The following SPECC1L variants were observed in gnomAD, a reference collection of about 807,000 sequenced individuals.
SPECC1L encodes the protein sperm antigen with calponin homology and coiled-coil domains 1 like.
SPECC1L carries 40 observed loss-of-function variants against 116.8 expected under a neutral mutation model. That is an observed-to-expected ratio of 0.34 (90% CI 0.27 to 0.45). SPECC1L has a LOEUF of 0.45. Among genes scored for constraint, SPECC1L ranks in the 20% least tolerant of loss-of-function variants. SPECC1L has a pLI of 1.00. For synonymous variants in SPECC1L, 504 were observed against 500.6 expected (o/e 1.01, Z -0.09); for missense variants, 1,110 against 1,373.6 (o/e 0.81, Z 3.03).
intron 2 of SPECC1L, among the ~76,000 whole-genome samples, chr22:24,287,426 T>C (rs548296619): frequency 9.8e-4 from 148 of 151,780 alleles, no homozygotes; most frequent in Non-Finnish European, 1.2e-3. Flanking sequence ...GCTGCCAGAG[T>C]TGTCCAGCTG....
chr22:24,399,274 T>TA (rs1164813582), intron 14 of SPECC1L, among the ~76,000 whole-genome samples: 13 of 152,264 alleles, frequency 8.5e-5, no homozygotes, highest in South Asian at 6.2e-4. Context: ...TTCATTTGAC[T>TA]AAAAAAAGTT....
At chr22:24,325,329 G>T (rs895404652) in intron 6 of SPECC1L, among the ~76,000 whole-genome samples, 2 of 152,116 alleles carry the variant, frequency 1.3e-5, no homozygotes, top group African/African-American at 4.8e-5. Context: ...CGTGCTAGAT[G>T]GCAGTTTTGC....
chr22:24,324,321 A>G lies in SPECC1L; in HGVS notation c.2040A>G (p.Glu680=). Residue 680 remains glutamate, a synonymous_variant, in exon 6 of 17, where the codon GAA becomes GAG. Transcript: ENST00000314328. The part of the protein sequence containing the change: ...EKLRSDLDEK[E]TERSDMKETI... ...TAAGATCAGACCTGGATGAAAAAGA[A>G]ACAGAAAGGAGTGACATGAAAGAAA... 2.5e-6 allele frequency: 4 copies of G among 1,614,142 alleles called. No homozygotes were observed. In the East Asian group the frequency reaches 8.9e-5, roughly 36 times the overall value.
chr22:24,275,077 C>T (rs1205395379), intron 1 of SPECC1L, among the ~76,000 whole-genome samples: 1 of 152,272 alleles, frequency 6.6e-6, no homozygotes, highest in Non-Finnish European at 1.5e-5. Flanking sequence ...TCAGGCATCA[C>T]CTTGCCTGGA....
chr22:24,278,785 G>T (rs3876098), intron 2 of SPECC1L, among the ~76,000 whole-genome samples: 20 of 152,258 alleles, frequency 1.3e-4, no homozygotes, highest in African/African-American at 4.8e-4. Context: ...TAAATTACTG[G>T]AATAGGTATT....
chr22:24,292,998 T>C (rs2049184283), intron 2 of SPECC1L, among the ~76,000 whole-genome samples: 1 of 152,210 alleles, frequency 6.6e-6, no homozygotes, highest in Admixed American at 6.5e-5. Flanking sequence ...CTGGGCATGG[T>C]GGTGTGCTCC....
At chr22:24,298,078 A>T (rs2049302223) in intron 2 of SPECC1L, among the ~76,000 whole-genome samples, 1 of 152,198 alleles carries the variant, frequency 6.6e-6, no homozygotes, top group African/African-American at 2.4e-5. Context: ...TTTCAACTTT[A>T]TGATGGCATG....
intron 2 of SPECC1L, among the ~76,000 whole-genome samples, chr22:24,287,057 C>G (rs1383903308): frequency 2.0e-5 from 3 of 152,124 alleles, no homozygotes; most frequent in Non-Finnish European, 2.9e-5. Flanking sequence ...GGGGGCCAAC[C>G]AACTAGAGAC....
chr22:24,358,114 GGT>G (rs2041567521), intron 11 of SPECC1L, among the ~76,000 whole-genome samples: 2 of 142,462 alleles, frequency 1.4e-5, no homozygotes, highest in Non-Finnish European at 3.0e-5. Context: ...TGTTTTTTTT[GGT>G]TTTTTTTTTT....
chr22:24,284,790 G>A (rs2049010833), intron 2 of SPECC1L, among the ~76,000 whole-genome samples: 1 of 152,056 alleles, frequency 6.6e-6, no homozygotes, highest in South Asian at 2.1e-4. Context: ...TCTTTAAAAA[G>A]CAACAGTTCA....
In SPECC1L at chr22:24,369,319, A is replaced by G. The variant is rs774491255; in HGVS notation, c.3086A>G (p.Gln1029Arg). The G allele has an allele frequency of 6.2e-7, 1 of 1,609,928 alleles. No homozygotes were observed. Among genetic ancestry groups the G allele is most frequent in the East Asian group, 2.2e-5 (1 of 44,844 alleles). ...TGTCAGAAGAAAACAGAAGGCTATC[A>G]GGTAATCATATGATTCTTTTGTCCC... is the stretch of plus-strand genomic sequence containing the variant. ...KWCQKKTEGY[Q>R]NIDITNFSSS... The change falls in exon 14 of 17, where the codon CAG becomes CGG. Residue 1029 changes from glutamine to arginine, a missense_variant and splice_region_variant. Physicochemically the swap from Gln to Arg is conservative, Grantham distance 43. This residue lies in a region of SPECC1L where 76 missense variants were observed against 148.5 expected (regional missense o/e 0.51). Coordinates refer to ENST00000314328, the MANE Select transcript of SPECC1L (RefSeq NM_015330.6).
At chr22:24,301,284 C>T (rs2049372785) in intron 2 of SPECC1L, among the ~76,000 whole-genome samples, 1 of 152,114 alleles carries the variant, frequency 6.6e-6, no homozygotes, top group African/African-American at 2.4e-5. Flanking sequence ...AAAACAACCC[C>T]ATCAAAAATT....
intron 14 of SPECC1L, among the ~76,000 whole-genome samples, chr22:24,391,906 C>G (rs1210054242): frequency 6.6e-6 from 1 of 152,184 alleles, no homozygotes; most frequent in African/African-American, 2.4e-5. Flanking sequence ...TGCCAATGCT[C>G]TTGTTTAGCT....
At chr22:24,323,668 A>G (rs1372990926) in intron 5 of SPECC1L, among the ~76,000 whole-genome samples, 1 of 152,172 alleles carries the variant, frequency 6.6e-6, no homozygotes, top group East Asian at 1.9e-4. Flanking sequence ...ATAAATTTTC[A>G]TATATCTTTG....
intron 3 of SPECC1L, among the ~76,000 whole-genome samples, chr22:24,305,295 G>C (rs2049470048): frequency 6.6e-6 from 1 of 152,160 alleles, no homozygotes; most frequent in Non-Finnish European, 1.5e-5. Flanking sequence ...GAACATATGT[G>C]CCCCTCAGAA....
At chr22:24,277,522 G>A (rs2048860311) in intron 2 of SPECC1L, among the ~76,000 whole-genome samples, 1 of 152,198 alleles carries the variant, frequency 6.6e-6, no homozygotes, top group Non-Finnish European at 1.5e-5. Flanking sequence ...GTACTCATTA[G>A]TAGTCATTTC....
chr22:24,305,521 T>C (rs1337194085), intron 3 of SPECC1L, among the ~76,000 whole-genome samples: 1 of 152,168 alleles, frequency 6.6e-6, no homozygotes, highest in African/African-American at 2.4e-5. Flanking sequence ...TAGTAATCCA[T>C]GGGATGAATA....
intron 14 of SPECC1L, among the ~76,000 whole-genome samples, chr22:24,403,253 T>C (rs541199462): frequency 6.6e-6 from 1 of 152,196 alleles, no homozygotes; most frequent in Admixed American, 6.5e-5. Flanking sequence ...TCTCTTGTTT[T>C]GTCGACCCTA....
At chr22:24,321,157 A>G in intron 4 of SPECC1L, 131 bp from the exon 5 acceptor site, 4 of 1,042,156 alleles carry the variant, frequency 3.8e-6, no homozygotes, top group South Asian at 1.3e-5. Context: ...CTAAGGCAAG[A>G]TTATTGTAGA....
Sources: allele counts gnomAD v4.1 joint callset (sites outside exome capture counted in the v4.1 genomes callset), GRCh38; gene constraint gnomAD v4.1.1; regional missense constraint gnomAD v4.1.1; transcripts MANE v1.5; gene names NCBI Gene and HGNC (gene_info 2026-07-23, HGNC 2026-07-21).